The following SRRM4 variants were observed in gnomAD, a reference collection of about 807,000 sequenced individuals.
SRRM4 encodes the protein serine/arginine repetitive matrix 4.
A neutral mutation model predicts 68.9 loss-of-function variants in SRRM4; 33 were observed. The observed-to-expected ratio is 0.48, with a 90% confidence interval of 0.36 to 0.64. The LOEUF (loss-of-function observed/expected upper bound fraction) is 0.64, where lower values mean the gene tolerates loss of function less well. Ranked by LOEUF, SRRM4 falls within the 30% of genes least tolerant of loss-of-function variation. The pLI is 0.00. For synonymous variants in SRRM4, 318 were observed against 318.8 expected, an observed-to-expected ratio of 1.00 and a Z score of 0.03; for missense variants, 817 against 827.1, an observed-to-expected ratio of 0.99 and a Z score of 0.15.
chr12:119,058,594 C>A (rs965344007), intron 1 of SRRM4, among the ~76,000 whole-genome samples: 1 of 152,186 alleles, frequency 6.6e-6, no homozygotes, highest in Non-Finnish European at 1.5e-5. Flanking sequence ...TTCTCTGGTA[C>A]AGAGTCTAGC....
At chr12:119,073,644 A>G (rs1953891962) in intron 1 of SRRM4, among the ~76,000 whole-genome samples, 1 of 151,276 alleles carries the variant, frequency 6.6e-6, no homozygotes, top group Non-Finnish European at 1.5e-5. Flanking sequence ...TTTTTGAGAC[A>G]AAGTCTCACT....
intron 2 of SRRM4, among the ~76,000 whole-genome samples, chr12:119,110,461 C>T (rs1401431119): frequency 6.6e-6 from 1 of 152,228 alleles, no homozygotes. Context: ...CCTTGAGCTG[C>T]AGTAGGCTCC....
At chr12:119,021,216 A>T (rs549896760) in intron 1 of SRRM4, among the ~76,000 whole-genome samples, 1 of 152,194 alleles carries the variant, frequency 6.6e-6, no homozygotes, top group East Asian at 1.9e-4. Flanking sequence ...TACCTTGATC[A>T]TTTGGACACT....
At chr12:119,117,093 A>G in intron 4 of SRRM4, 85 bp downstream of exon 4, 1 of 1,056,904 alleles carries the variant, frequency 9.5e-7, no homozygotes, top group Non-Finnish European at 1.5e-6. Context: ...ATCTGGAAGC[A>G]TATCATGTCA....
intron 1 of SRRM4, among the ~76,000 whole-genome samples, chr12:119,045,717 C>T (rs891298145): frequency 2.0e-5 from 3 of 152,074 alleles, no homozygotes; most frequent in Non-Finnish European, 4.4e-5. Context: ...GAGCTTCTGC[C>T]TTGATTGGGA....
chr12:119,147,151 G>A (rs370842094), intron 9 of SRRM4, among the ~76,000 whole-genome samples: 3 of 152,174 alleles, frequency 2.0e-5, no homozygotes, highest in East Asian at 1.9e-4. Context: ...GAGGTACCAC[G>A]CTATGAAAAG....
At chr12:119,124,391 G>C (rs1349673589) in intron 6 of SRRM4, 2 of 152,172 alleles carry the variant, frequency 1.3e-5, no homozygotes, top group South Asian at 2.1e-4. Flanking sequence ...CTTGATATGA[G>C]AGCAATGGGA....
At chr12:119,136,943 G>A (rs769874819) in intron 8 of SRRM4, among the ~76,000 whole-genome samples, 1 of 152,094 alleles carries the variant, frequency 6.6e-6, no homozygotes, top group African/African-American at 2.4e-5. Flanking sequence ...TTCCCACAAT[G>A]CCCGGCACAT....
intron 9 of SRRM4, among the ~76,000 whole-genome samples, chr12:119,147,155 T>C (rs1189368889): frequency 2.6e-5 from 4 of 152,120 alleles, no homozygotes; most frequent in Non-Finnish European, 5.9e-5. Flanking sequence ...TACCACGCTA[T>C]GAAAAGACAT....
intron 8 of SRRM4, among the ~76,000 whole-genome samples, chr12:119,137,380 C>T (rs1422627525): frequency 6.6e-6 from 1 of 152,032 alleles, no homozygotes; most frequent in Non-Finnish European, 1.5e-5. Context: ...TGAGAGGTTG[C>T]CTTTTTTCCC....
intron 1 of SRRM4, among the ~76,000 whole-genome samples, chr12:119,025,439 T>G (rs940648149): frequency 1.3e-5 from 2 of 149,822 alleles, no homozygotes; most frequent in African/African-American, 5.0e-5. Context: ...TTTTTTTTTT[T>G]GTTTGTTTGT....
intron 2 of SRRM4, among the ~76,000 whole-genome samples, chr12:119,109,250 T>A (rs1954127514): frequency 6.6e-6 from 1 of 152,162 alleles, no homozygotes; most frequent in African/African-American, 2.4e-5. Context: ...TGGCTGCCCT[T>A]AACATTTTTT....
intron 1 of SRRM4, among the ~76,000 whole-genome samples, chr12:119,056,868 A>G (rs945253103): frequency 2.6e-5 from 4 of 152,180 alleles, no homozygotes; most frequent in Non-Finnish European, 5.9e-5. Flanking sequence ...TGTGAACTCC[A>G]TTATAGCAGA....
At chr12:119,073,328 TG>T (rs1449071139) in intron 1 of SRRM4, among the ~76,000 whole-genome samples, 10 of 150,524 alleles carry the variant, frequency 6.6e-5, no homozygotes, top group South Asian at 4.2e-4. Flanking sequence ...TTTTTTTGTT[TG>T]TTTGTTTGTT....
chr12:119,119,668 T>C (rs1361598563), intron 4 of SRRM4, among the ~76,000 whole-genome samples: 2 of 152,140 alleles, frequency 1.3e-5, no homozygotes, highest in African/African-American at 4.8e-5. Context: ...AATGAGATTG[T>C]ACGTGACAGG....
chr12:119,053,887 C>T (rs144168230), intron 1 of SRRM4, among the ~76,000 whole-genome samples: 3,108 of 152,292 alleles, frequency 0.02, 69 homozygotes, highest in Admixed American at 0.072. Context: ...GTGTTACAGA[C>T]AATCCAATTA....
chr12:119,061,548 C>A (rs1335640120), intron 1 of SRRM4, among the ~76,000 whole-genome samples: 1 of 152,108 alleles, frequency 6.6e-6, no homozygotes, highest in African/African-American at 2.4e-5. Context: ...TTACGGAATG[C>A]GTGCTATTGA....
intron 1 of SRRM4, among the ~76,000 whole-genome samples, chr12:119,085,975 G>A (rs144999067): frequency 1.3e-3 from 196 of 152,268 alleles, no homozygotes; most frequent in African/African-American, 4.7e-3. Flanking sequence ...AGTTTGAGGT[G>A]CCTGTGGGAC....
chr12:119,005,478 A>T (rs541296513), intron 1 of SRRM4, among the ~76,000 whole-genome samples: 1 of 152,168 alleles, frequency 6.6e-6, no homozygotes, highest in South Asian at 2.1e-4. Flanking sequence ...GATTTTCTTA[A>T]TCGCTCCCTA....
Sources: gnomAD v4.1 joint callset for allele counts (sites outside exome capture counted in the v4.1 genomes callset) on GRCh38, gnomAD v4.1.1 for gene constraint, MANE v1.5 for transcripts, NCBI Gene and HGNC (gene_info 2026-07-23, HGNC 2026-07-21) for gene names.